Variants in FAM209B observed in about 807,000 individuals in gnomAD.
FAM209B encodes the protein family with sequence similarity 209 member B, also known as protein FAM209B.
In FAM209B, 8 loss-of-function variants were observed where a neutral mutation model predicts 8.9. The ratio of observed to expected loss-of-function variants is 0.90; its 90% CI spans 0.53 to 1.62. The LOEUF (loss-of-function observed/expected upper bound fraction) is 1.62, where lower values mean the gene tolerates loss of function less well. Ranked by LOEUF, FAM209B falls within the 40% of genes most tolerant of loss-of-function variation. The probability of loss-of-function intolerance (pLI) is 0.00; values close to 1 mark genes in which losing one functional copy is unlikely to be tolerated. For missense variants in FAM209B, 175 were observed against 205.3 expected, an observed-to-expected ratio of 0.85 and a Z score of 0.90; for synonymous variants, 67 against 75.0, an observed-to-expected ratio of 0.89 and a Z score of 0.55.
intron 1 of FAM209B, 72 bp from the exon 2 acceptor site, chr20:56,536,100 C>T: frequency 1.5e-6 from 2 of 1,312,096 alleles, no homozygotes; most frequent in Non-Finnish European, 2.1e-6. Flanking sequence ...TAAATGAGCC[C>T]AACTGTCTTG....
In FAM209B at chr20:56,535,114, C is replaced by T. The variant is rs564801501; in HGVS notation, c.250-1058C>T. On this transcript the variant is annotated intron_variant, in intron 1 of 1. Coordinates refer to ENST00000371325, the MANE Select transcript of FAM209B (RefSeq NM_001013646.4). ...GCACACCCCTGTAATCCCAGCTACT[C>T]GGGAGACTGAGGCAGGAGAATCACT... is the stretch of plus-strand genomic sequence containing the variant. 4.3e-3 allele frequency among the ~76,000 whole-genome samples: 654 copies of T among 150,862 alleles called. 5 individuals carry two copies. The highest frequency in any genetic ancestry group is 0.015 in the African/African-American group (622 of 41,098).
At chr20:56,535,859 C>T (rs1350634404) in intron 1 of FAM209B, among the ~76,000 whole-genome samples, 1 of 152,186 alleles carries the variant, frequency 6.6e-6, no homozygotes, top group Non-Finnish European at 1.5e-5. Context: ...GATTGGCAAA[C>T]TTTTTCTGTA....
Position 56,536,222 on chromosome 20 carries a change from G to C in FAM209B, c.300G>C (p.Lys100Asn). 1 of 1,591,820 alleles carries C rather than the reference G, an allele frequency of 6.3e-7. No individual in the cohort carries two copies. Among genetic ancestry groups the C allele is most frequent in the Non-Finnish European group, 8.6e-7 (1 of 1,168,604 alleles). ...LRGFPFRTPL[K>N]KNQNASLYKD... ...GCTTCCCATTTCGCACTCCACTAAAGAAAAATCAAAATGCTTCTCTTTACA... is the reference window on the plus strand; with the variant it reads ...GCTTCCCATTTCGCACTCCACTAAACAAAAATCAAAATGCTTCTCTTTACA... Residue 100 changes from lysine to asparagine, a missense_variant, in exon 2 of 2, where the codon AAG becomes AAC. Around this residue, in one of 2 missense-constraint regions of FAM209B, gnomAD observed 166 missense variants for 174.5 expected, o/e 0.95. Transcript: ENST00000371325.
At chr20:56,536,075 A>G (rs1299861111) in intron 1 of FAM209B, 97 bp from the exon 2 acceptor site, 3 of 1,152,592 alleles carry the variant, frequency 2.6e-6, no homozygotes, top group Non-Finnish European at 3.6e-6. Flanking sequence ...GAGCACTGCT[A>G]GAACCATCTT....
rs1267087860 is a variant in FAM209B, at chr20:56,533,586, A to G, written c.245A>G (p.Asn82Ser). The G allele has an allele frequency of 1.2e-6, 2 of 1,614,128 alleles. No individual in the cohort carries two copies. The highest frequency in any genetic ancestry group is 4.5e-5 in the East Asian group (2 of 44,882). ...ILQCQRDSEK[N>S]KEQSPPGLRG... is the part of the protein sequence containing the mutation. ...CAGTGTCAAAGAGACAGTGAGAAGA[A>G]TAAGGTAAGGATGGCTCCATTTTTT... The change falls in exon 1 of 2, where the codon AAT becomes AGT. Residue 82 changes from asparagine (N) to serine (S), a missense_variant. Asn to Ser is a conservative substitution (Grantham distance 46, BLOSUM62 1). Coordinates refer to ENST00000371325, the MANE Select transcript of FAM209B (RefSeq NM_001013646.4).
chr20:56,535,673 C>T (rs186833338), intron 1 of FAM209B, among the ~76,000 whole-genome samples: 4 of 152,136 alleles, frequency 2.6e-5, no homozygotes, highest in Non-Finnish European at 5.9e-5. Context: ...CAGAGTGAAA[C>T]TGTGTCTCAA....
intron 1 of FAM209B, among the ~76,000 whole-genome samples, chr20:56,535,909 ACGGTCTT>A (rs1985956694): frequency 6.6e-6 from 1 of 152,328 alleles, no homozygotes; most frequent in South Asian, 2.1e-4. Context: ...TGTGGGCAGT[ACGGTCTT>A]CCTTGCAACT....
intron 1 of FAM209B, among the ~76,000 whole-genome samples, chr20:56,533,975 G>A (rs1297107000): frequency 6.6e-6 from 1 of 152,106 alleles, no homozygotes; most frequent in Non-Finnish European, 1.5e-5. Flanking sequence ...GGCCAACACG[G>A]TGAAACCCCA....
At position 56,533,780 on chromosome 20, in the gene FAM209B, T is replaced by C. The variant is rs552302764; in HGVS notation, c.249+190T>C. On this transcript the variant is annotated intron_variant, in intron 1 of 1. Coordinates refer to ENST00000371325, the MANE Select transcript of FAM209B (RefSeq NM_001013646.4). ...ACAATAGTCCCCACATCCACAGATATTGGGACAAACAGTGGAAGATGACCT... is the reference window on the plus strand; with the variant it reads ...ACAATAGTCCCCACATCCACAGATACTGGGACAAACAGTGGAAGATGACCT... 2.5e-3 allele frequency among the ~76,000 whole-genome samples: 378 copies of C among 152,306 alleles called. 1 individual carries two copies. The highest frequency in any genetic ancestry group is 8.4e-3 in the African/African-American group (349 of 41,572).
intron 1 of FAM209B, 72 bp downstream of exon 1, chr20:56,533,662 G>A: frequency 6.3e-7 from 1 of 1,590,798 alleles, no homozygotes; most frequent in Non-Finnish European, 8.6e-7. Flanking sequence ...GGATGTTCTA[G>A]TGAGTCTAGG....
At chr20:56,533,973 C>T (rs542942890) in intron 1 of FAM209B, among the ~76,000 whole-genome samples, 9 of 151,338 alleles carry the variant, frequency 5.9e-5, no homozygotes, top group Admixed American at 1.3e-4. Flanking sequence ...CTGGCCAACA[C>T]GGTGAAACCC....
At chr20:56,535,751 C>T (rs1162937192) in intron 1 of FAM209B, among the ~76,000 whole-genome samples, 1 of 152,084 alleles carries the variant, frequency 6.6e-6, no homozygotes, top group East Asian at 1.9e-4. Flanking sequence ...TGACCATAAA[C>T]AATTCTTTCA....
intron 1 of FAM209B, among the ~76,000 whole-genome samples, chr20:56,535,234 A>T (rs1362743202): frequency 6.6e-6 from 1 of 150,510 alleles, no homozygotes; most frequent in African/African-American, 2.4e-5. Context: ...AAAAAAAAAA[A>T]ATTAGCTGGT....
chr20:56,533,697 G>A (rs895613262), intron 1 of FAM209B, 107 bp downstream of exon 1: 22 of 1,484,986 alleles, frequency 1.5e-5, no homozygotes, highest in South Asian at 3.9e-5. Context: ...ATAATGAACC[G>A]ACCTCATGGT....
At chr20:56,534,357 G>A (rs925791442) in intron 1 of FAM209B, among the ~76,000 whole-genome samples, 2 of 152,076 alleles carry the variant, frequency 1.3e-5, no homozygotes, top group East Asian at 1.9e-4. Flanking sequence ...GCTCATGCCT[G>A]TAATCCCAGA....
At position 56,536,365 on chromosome 20, in the gene FAM209B, G is replaced by A. The variant is rs777718902; in HGVS notation, c.443G>A (p.Arg148Gln). 7.4e-6 allele frequency: 12 copies of A among 1,614,072 alleles called. No individual in the cohort carries two copies. Among genetic ancestry groups the A allele is most frequent in the East Asian group, 6.7e-5 (3 of 44,886 alleles). ...GGCAGTGGCAGTAACCTCAAGCTTC[G>A]AAGGTCAGAGATGCCTGCAGATCCA... ...ATGSGSNLKL[R>Q]RSEMPADPYH... Residue 148 changes from arginine (R) to glutamine (Q), a missense_variant, in exon 2 of 2, where the codon CGA becomes CAA. This residue lies in a region of FAM209B where 166 missense variants were observed against 174.5 expected (regional missense o/e 0.95). Coordinates refer to ENST00000371325, the MANE Select transcript of FAM209B (RefSeq NM_001013646.4).
intron 1 of FAM209B, among the ~76,000 whole-genome samples, chr20:56,534,782 A>T (rs1471394682): frequency 8.3e-6 from 1 of 120,634 alleles, no homozygotes; most frequent in East Asian, 2.4e-4. Context: ...AGCTGGGCCC[A>T]GTGGCTCATG....
chr20:56,536,147 T>G, intron 1 of FAM209B, 25 bp from the exon 2 acceptor site: 1 of 1,505,618 alleles, frequency 6.6e-7, no homozygotes, highest in Non-Finnish European at 8.9e-7. Flanking sequence ...ATGATATTAT[T>G]GACCTTGAAT....
chr20:56,533,508 T>C lies in FAM209B; in HGVS notation c.167T>C (p.Leu56Pro). 1.2e-6 allele frequency: 2 copies of C among 1,614,210 alleles called. No homozygotes were observed. The highest frequency in any genetic ancestry group is 1.7e-6 in the Non-Finnish European group (2 of 1,180,038). ...QNLPEHTQGW[L>P]GSKWLWLLFA... ...CTACCAGAGCACACCCAAGGCTGGC[T>C]TGGGAGCAAATGGCTCTGGCTTTTG... The change falls in exon 1 of 2, where the codon CTT (leucine) becomes CCT (proline). Residue 56 changes from leucine to proline, a missense_variant. Leu to Pro is a moderately conservative substitution (Grantham distance 98, BLOSUM62 -3). This residue lies in a region of FAM209B where 166 missense variants were observed against 174.5 expected (regional missense o/e 0.95). Coordinates refer to ENST00000371325, the MANE Select transcript of FAM209B (RefSeq NM_001013646.4).
Sources: allele counts gnomAD v4.1 joint callset (sites outside exome capture counted in the v4.1 genomes callset), GRCh38; gene constraint gnomAD v4.1.1; regional missense constraint gnomAD v4.1.1; transcripts MANE v1.5; gene names NCBI Gene and HGNC (gene_info 2026-07-23, HGNC 2026-07-21).